The following SREK1IP1 variants were observed in gnomAD, a reference collection of about 807,000 sequenced individuals.
The protein encoded by SREK1IP1 is protein SREK1IP1.
A neutral mutation model predicts 22.8 loss-of-function variants in SREK1IP1; 12 were observed. That is an observed-to-expected ratio of 0.53 (90% CI 0.34 to 0.85). The LOEUF (loss-of-function observed/expected upper bound fraction) is 0.85, where lower values mean the gene tolerates loss of function less well. SREK1IP1 is among the 40% of genes least tolerant of loss of function. The pLI is 0.02. For synonymous variants in SREK1IP1, 53 were observed against 52.7 expected, an observed-to-expected ratio of 1.01 and a Z score of -0.02; for missense variants, 147 against 171.8, an observed-to-expected ratio of 0.86 and a Z score of 0.81.
rs111441432 is a variant in SREK1IP1, at chr5:64,724,681, TA to T, written c.279-109del. 14,822 of 835,410 alleles carry T rather than the reference TA, an allele frequency of 0.018. 1,562 individuals carry two copies. The African/African-American group carries it at 0.23, about 13-fold the overall frequency. The allele number at this position is 835,410 out of a possible 1,614,324, so 51.7% of individuals were successfully genotyped here. A position where few individuals can be genotyped will look rare whatever the true frequency, so the allele number is the denominator to read the frequency against. ...TCTTCTTGGAGTAAGGTAGGGAGTA[TA>T]AACATAAACTTAAAAAATGCTTCAT... On this transcript the variant is annotated intron_variant, in intron 4 of 4. Coordinates refer to ENST00000513458, the MANE Select transcript of SREK1IP1 (RefSeq NM_173829.4).
intron 3 of SREK1IP1, 36 bp from the exon 4 acceptor site, chr5:64,728,215 AAT>A (rs780775412): frequency 7.4e-7 from 1 of 1,345,388 alleles, no homozygotes; most frequent in Non-Finnish European, 9.6e-7. Context: ...AAATCTGGTT[AAT>A]ATATGATTCT....
intron 2 of SREK1IP1, among the ~76,000 whole-genome samples, chr5:64,745,100 G>GT (rs1370482304): frequency 6.6e-6 from 1 of 152,204 alleles, no homozygotes; most frequent in Non-Finnish European, 1.5e-5. Flanking sequence ...ACTGTTTTCA[G>GT]TAAGATTCCC....
intron 3 of SREK1IP1, among the ~76,000 whole-genome samples, chr5:64,733,054 T>C (rs190473507): frequency 6.6e-5 from 10 of 152,044 alleles, no homozygotes; most frequent in Non-Finnish European, 1.0e-4. Context: ...AAATTTATCA[T>C]GGACTTAAAT....
intron 1 of SREK1IP1, among the ~76,000 whole-genome samples, chr5:64,765,341 G>C (rs931117010): frequency 6.6e-6 from 1 of 152,136 alleles, no homozygotes; most frequent in South Asian, 2.1e-4. Flanking sequence ...TGTGTGGTTT[G>C]CAGAAAGCAG....
At chr5:64,766,989 C>T (rs2112122102) in intron 1 of SREK1IP1, among the ~76,000 whole-genome samples, 1 of 152,300 alleles carries the variant, frequency 6.6e-6, no homozygotes, top group Non-Finnish European at 1.5e-5. Flanking sequence ...CCACAGAAAA[C>T]ATCTTTCATT....
At position 64,767,467 on chromosome 5, in the gene SREK1IP1, C is replaced by G. The variant is rs948992127; in HGVS notation, c.13+1038G>C. ...AGGCTTAATAAAGAGTGTACATTTC[C>G]TCTCTCACAGCTCCAGATGTACTCC... is the stretch of plus-strand genomic sequence containing the variant. On this transcript the variant is annotated intron_variant, in intron 1 of 4. Transcript: ENST00000513458. Among the ~76,000 whole-genome samples, 97 of 152,148 alleles carry G rather than the reference C, an allele frequency of 6.4e-4. 2 individuals are homozygous for G. The highest frequency in any genetic ancestry group is 2.2e-3 in the African/African-American group (92 of 41,438).
chr5:64,746,597 T>G (rs1348436425), intron 2 of SREK1IP1, among the ~76,000 whole-genome samples: 1 of 152,174 alleles, frequency 6.6e-6, no homozygotes, highest in Non-Finnish European at 1.5e-5. Context: ...TTAACATCAT[T>G]AGTCATTAAA....
At chr5:64,762,639 G>A (rs984394190) in intron 1 of SREK1IP1, among the ~76,000 whole-genome samples, 4 of 152,090 alleles carry the variant, frequency 2.6e-5, no homozygotes, top group African/African-American at 9.7e-5. Context: ...GTAGAAATTA[G>A]TCATTTTTTA....
chr5:64,736,550 C>T (rs565052338), intron 3 of SREK1IP1, among the ~76,000 whole-genome samples: 66 of 151,934 alleles, frequency 4.3e-4, no homozygotes, highest in Admixed American at 9.8e-4. Context: ...CAACCTCTGC[C>T]TCCCGGGTTC....
intron 2 of SREK1IP1, among the ~76,000 whole-genome samples, chr5:64,745,666 T>G (rs1032632001): frequency 1.3e-5 from 2 of 152,064 alleles, no homozygotes; most frequent in Non-Finnish European, 2.9e-5. Context: ...CATCCTCTCA[T>G]TGAAATGAAT....
Position 64,719,309 on chromosome 5 carries a change from T to G in SREK1IP1, c.*5075A>C, listed in dbSNP as rs1742116822. 6.6e-6 allele frequency: 1 copy of G among 152,186 alleles called. No individual in the cohort carries two copies. Among genetic ancestry groups the G allele is most frequent in the African/African-American group, 2.4e-5 (1 of 41,444 alleles). The allele number at this position is 152,186 out of a possible 1,614,324, so 9.4% of individuals were successfully genotyped here. A position where few individuals can be genotyped will look rare whatever the true frequency, so the allele number is the denominator to read the frequency against. On this transcript the variant is annotated 3_prime_UTR_variant, in exon 5 of 5. Coordinates refer to ENST00000513458, the MANE Select transcript of SREK1IP1 (RefSeq NM_173829.4). ...CTACTGCCAAAGTTGAACTTCACAT[T>G]CAAAAATACAATTTTGCAAAGGTTT...
chr5:64,758,652 A>ACT (rs1166499809), intron 1 of SREK1IP1, among the ~76,000 whole-genome samples: 1 of 152,244 alleles, frequency 6.6e-6, no homozygotes, highest in Non-Finnish European at 1.5e-5. Flanking sequence ...ATGCATCATT[A>ACT]CTATTACTAC....
chr5:64,768,314 T>A (rs11953081), intron 1 of SREK1IP1, among the ~76,000 whole-genome samples, 191 bp downstream of exon 1: 1 of 152,228 alleles, frequency 6.6e-6, no homozygotes, highest in Non-Finnish European at 1.5e-5. Flanking sequence ...GGGGGGAAGA[T>A]AGTTATTTTC....
chr5:64,755,551 A>C (rs951653398), intron 1 of SREK1IP1, among the ~76,000 whole-genome samples: 2 of 152,086 alleles, frequency 1.3e-5, no homozygotes, highest in African/African-American at 4.8e-5. Flanking sequence ...GATACTGGGG[A>C]CCATTGGGAG....
intron 3 of SREK1IP1, among the ~76,000 whole-genome samples, chr5:64,735,337 C>T (rs187254044): frequency 1.2e-3 from 184 of 152,022 alleles, no homozygotes; most frequent in African/African-American, 3.5e-3. Context: ...CTCTAACTTT[C>T]TTTTCTTGTA....
intron 2 of SREK1IP1, among the ~76,000 whole-genome samples, chr5:64,746,041 T>C (rs559874862): frequency 3.3e-5 from 5 of 152,296 alleles, no homozygotes; most frequent in African/African-American, 9.6e-5. Context: ...ACCAATGGAA[T>C]AGAATTGAAA....
chr5:64,724,604 T>C (rs939177343), intron 4 of SREK1IP1, 31 bp from the exon 5 acceptor site: 20 of 1,450,604 alleles, frequency 1.4e-5, no homozygotes, highest in South Asian at 1.6e-5. Flanking sequence ...TGACTGAGAA[T>C]TGCATTTATG....
intron 1 of SREK1IP1, among the ~76,000 whole-genome samples, chr5:64,765,733 A>T (rs1265100856): frequency 6.6e-6 from 1 of 152,254 alleles, no homozygotes; most frequent in Non-Finnish European, 1.5e-5. Context: ...TAACATATCT[A>T]TAACACTGGT....
chr5:64,765,754 G>C (rs765315449), intron 1 of SREK1IP1, among the ~76,000 whole-genome samples: 3 of 152,184 alleles, frequency 2.0e-5, no homozygotes, highest in Non-Finnish European at 4.4e-5. Context: ...CTAAGTTTAA[G>C]AGAATTTTAA....
Sources: allele counts gnomAD v4.1 joint callset (sites outside exome capture counted in the v4.1 genomes callset), GRCh38; gene constraint gnomAD v4.1.1; transcripts MANE v1.5; gene names NCBI Gene and HGNC (gene_info 2026-07-23, HGNC 2026-07-21).